KIF27: variants seen among roughly 807,000 people sequenced by gnomAD.
The protein encoded by KIF27 is kinesin-like protein KIF27.
KIF27 carries 84 observed loss-of-function variants against 141.8 expected under a neutral mutation model. The ratio of observed to expected loss-of-function variants is 0.59; its 90% CI spans 0.50 to 0.71. The LOEUF is 0.71. Among genes scored for constraint, KIF27 ranks in the 30% least tolerant of loss-of-function variants. KIF27 has a pLI of 0.00. For missense variants in KIF27, 1,306 were observed against 1,628.4 expected (o/e 0.80, Z 3.41); for synonymous variants, 471 against 569.5 (o/e 0.83, Z 2.46).
chr9:83,904,940 C>T (rs1329742159), intron 3 of KIF27, among the ~76,000 whole-genome samples: 1 of 151,382 alleles, frequency 6.6e-6, no homozygotes, highest in South Asian at 2.1e-4. Context: ...AAACAGGTAT[C>T]TGTTTACCTT....
At chr9:83,890,669 C>T (rs1337102386) in intron 6 of KIF27, among the ~76,000 whole-genome samples, 4 of 152,134 alleles carry the variant, frequency 2.6e-5, no homozygotes, top group Non-Finnish European at 5.9e-5. Context: ...ACTGTAACAA[C>T]CAGATGGATC....
At chr9:83,914,554 T>G (rs940443002) in intron 2 of KIF27, among the ~76,000 whole-genome samples, 3 of 152,136 alleles carry the variant, frequency 2.0e-5, no homozygotes, top group Non-Finnish European at 4.4e-5. Context: ...GCCATATATT[T>G]TACATTTGTG....
At chr9:83,845,312 TG>T (rs1484623611) in intron 16 of KIF27, among the ~76,000 whole-genome samples, 1 of 152,208 alleles carries the variant, frequency 6.6e-6, no homozygotes, top group African/African-American at 2.4e-5. Context: ...TATCATGAAC[TG>T]GGTGCTTTCT....
chr9:83,920,779 C>T (rs1956180294), intron 1 of KIF27, among the ~76,000 whole-genome samples: 1 of 152,130 alleles, frequency 6.6e-6, no homozygotes, highest in South Asian at 2.1e-4. Context: ...TCACCTGCCT[C>T]CGAGGGAGGG....
intron 16 of KIF27, among the ~76,000 whole-genome samples, chr9:83,844,700 T>A (rs1947029324): frequency 6.6e-6 from 1 of 152,158 alleles, no homozygotes; most frequent in Admixed American, 6.6e-5. Context: ...CCAAGGAACA[T>A]AATGAAGCTG....
chr9:83,886,194 C>G (rs184829742), intron 9 of KIF27, among the ~76,000 whole-genome samples: 7 of 152,030 alleles, frequency 4.6e-5, no homozygotes, highest in Non-Finnish European at 5.9e-5. Flanking sequence ...CAGGGTACTG[C>G]CTGTGGAAGT....
intron 17 of KIF27, among the ~76,000 whole-genome samples, chr9:83,838,960 A>T (rs1587849147): frequency 6.6e-6 from 1 of 152,196 alleles, no homozygotes. Flanking sequence ...AGTGGCTCCC[A>T]AACTCTGCAG....
chr9:83,900,530 T>C lies in KIF27; in HGVS notation c.1459-726A>G, dbSNP rs1187142622. ...TATGAACAACAGTGTGGAGATTCCT[T>C]GAAGGACTAAAAGTAGAACTACCAT... On this transcript the variant is annotated intron_variant, in intron 4 of 17. Coordinates refer to ENST00000297814, the MANE Select transcript of KIF27 (RefSeq NM_017576.4). 4.3e-5 allele frequency among the ~76,000 whole-genome samples: 6 copies of C among 139,630 alleles called. No individual in the cohort carries two copies. The Admixed American group carries it at 4.5e-4, about 11-fold the overall frequency. The allele number at this position is 139,630 out of a possible 152,430, so 91.6% of individuals were successfully genotyped here. A position where few individuals can be genotyped will look rare whatever the true frequency, so the allele number is the denominator to read the frequency against.
chr9:83,906,408 A>C (rs2132634919), intron 3 of KIF27, among the ~76,000 whole-genome samples: 1 of 152,210 alleles, frequency 6.6e-6, no homozygotes, highest in East Asian at 1.9e-4. Context: ...CAGGTTCTCC[A>C]GGAAGGTTCC....
Position 83,853,750 on chromosome 9 carries a change from C to T in KIF27, c.3236G>A (p.Arg1079His), listed in dbSNP as rs950185206. The T allele has an allele frequency of 9.9e-6, 16 of 1,613,574 alleles. No homozygotes were observed. Among genetic ancestry groups the T allele is most frequent in the African/African-American group, 5.3e-5 (4 of 74,906 alleles). ...IEYRNESIQN[R>H]QKSLRASFHN... ...GAATGATGCTCTAAGTGACTTCTGG[C>T]GATTCTGGATACTTTCATTCCTGTA... Residue 1079 changes from arginine to histidine, a missense_variant, in exon 15 of 18, where the codon CGC (arginine) becomes CAC (histidine). Physicochemically the swap from Arg to His is conservative, Grantham distance 29. This residue lies in a region of KIF27 where 596 missense variants were observed against 751.6 expected (regional missense o/e 0.79). Coordinates refer to ENST00000297814, the MANE Select transcript of KIF27 (RefSeq NM_017576.4).
chr9:83,850,570 G>A (rs927963787), intron 15 of KIF27, among the ~76,000 whole-genome samples: 1 of 151,876 alleles, frequency 6.6e-6, no homozygotes, highest in African/African-American at 2.4e-5. Context: ...CGCTTGAGGT[G>A]AGGAGTTCGA....
chr9:83,865,742 CTGAGTT>C lies in KIF27; in HGVS notation c.2934+1936_2934+1941del. On this transcript the variant is annotated intron_variant, in intron 13 of 17. Coordinates refer to ENST00000297814, the MANE Select transcript of KIF27 (RefSeq NM_017576.4). ...GCTTCTTGCTCTATCTCTAATGTCTCTGAGTTTATTTTTTCCTTTTGTTTTGTTTTC... is the reference window on the plus strand; with the variant it reads ...GCTTCTTGCTCTATCTCTAATGTCTCTATTTTTTCCTTTTGTTTTGTTTTC... Among the ~76,000 whole-genome samples the C allele has an allele frequency of 3.3e-5, 5 of 152,186 alleles. No homozygotes were observed. The Middle Eastern group carries it at 0.014, about 414-fold the overall frequency.
chr9:83,877,725 C>T (rs1951317087), intron 11 of KIF27, among the ~76,000 whole-genome samples: 1 of 151,966 alleles, frequency 6.6e-6, no homozygotes, highest in Admixed American at 6.6e-5. Flanking sequence ...AGAAAACCTA[C>T]AGAATAGGAA....
chr9:83,884,729 G>T (rs1951946577), intron 9 of KIF27, among the ~76,000 whole-genome samples: 1 of 151,984 alleles, frequency 6.6e-6, no homozygotes, highest in African/African-American at 2.4e-5. Context: ...TTCCCCAATT[G>T]CCTCAAAATG....
At chr9:83,838,477 C>T (rs545010560) in intron 17 of KIF27, among the ~76,000 whole-genome samples, 32 of 152,104 alleles carry the variant, frequency 2.1e-4, no homozygotes, top group Non-Finnish European at 4.3e-4. Context: ...TCAGGTGATC[C>T]GCCTGCCTTG....
At chr9:83,865,516 C>T (rs1380628475) in intron 13 of KIF27, among the ~76,000 whole-genome samples, 1 of 152,120 alleles carries the variant, frequency 6.6e-6, no homozygotes, top group Non-Finnish European at 1.5e-5. Flanking sequence ...AGGCTGGTGT[C>T]GAACTCCTGA....
At chr9:83,862,798 T>G (rs1950047254) in intron 13 of KIF27, among the ~76,000 whole-genome samples, 1 of 152,238 alleles carries the variant, frequency 6.6e-6, no homozygotes. Context: ...TGATTCTTCC[T>G]ACCCATGAGC....
chr9:83,907,182 C>T lies in KIF27; in HGVS notation c.499+1270G>A, dbSNP rs369521894. Among the ~76,000 whole-genome samples the T allele has an allele frequency of 3.8e-4, 57 of 151,600 alleles. No homozygotes were observed. The East Asian group carries it at 6.2e-3, about 17-fold the overall frequency. ...GCGGGCGCCTGTAGTCCCAGCTACTCGGGAGGCTGAGGCAGGAGAATGGCG... is the reference window on the plus strand; with the variant it reads ...GCGGGCGCCTGTAGTCCCAGCTACTTGGGAGGCTGAGGCAGGAGAATGGCG... On this transcript the variant is annotated intron_variant, in intron 3 of 17. Coordinates refer to ENST00000297814, the MANE Select transcript of KIF27 (RefSeq NM_017576.4).
chr9:83,879,350 T>C (rs1251761005), intron 11 of KIF27, among the ~76,000 whole-genome samples: 1 of 151,616 alleles, frequency 6.6e-6, no homozygotes, highest in Non-Finnish European at 1.5e-5. Context: ...AAATAGGTTA[T>C]ATCCATTGTT....
Sources: gnomAD v4.1 joint callset for allele counts (sites outside exome capture counted in the v4.1 genomes callset) on GRCh38, gnomAD v4.1.1 for gene constraint, gnomAD v4.1.1 regional missense constraint, MANE v1.5 for transcripts, NCBI Gene and HGNC (gene_info 2026-07-23, HGNC 2026-07-21) for gene names.